Variants in DIP2A observed in about 807,000 individuals in gnomAD.
DIP2A encodes the protein disco-interacting protein 2 homolog A.
DIP2A carries 85 observed loss-of-function variants against 177.4 expected under a neutral mutation model. The ratio of observed to expected loss-of-function variants is 0.48; its 90% CI spans 0.40 to 0.57. The LOEUF is 0.57. DIP2A is among the 20% of genes least tolerant of loss of function. The probability of loss-of-function intolerance (pLI) is 0.00; values close to 1 mark genes in which losing one functional copy is unlikely to be tolerated. For missense variants in DIP2A, 1,791 were observed against 2,100.2 expected (o/e 0.85, Z 2.88); for synonymous variants, 886 against 881.8 (o/e 1.00, Z -0.08).
intron 18 of DIP2A, among the ~76,000 whole-genome samples, chr21:46,542,794 C>T (rs114047891): frequency 5.3e-5 from 8 of 152,258 alleles, no homozygotes; most frequent in East Asian, 1.9e-4. Flanking sequence ...CAGTCTCCCC[C>T]CTTCCAATGC....
At chr21:46,579,377 T>C in the DIP2A span, among the ~76,000 whole-genome samples, 2 of 152,264 alleles carry the variant, frequency 1.3e-5, no homozygotes, top group Admixed American at 1.3e-4. Flanking sequence ...TCTATCTATT[T>C]TATTAATTTT....
chr21:46,484,713 G>A, intron 1 of DIP2A, 44 bp from the exon 2 acceptor site: 1 of 1,497,038 alleles, frequency 6.7e-7, no homozygotes, highest in Non-Finnish European at 9.0e-7. Flanking sequence ...TAAAATTTTG[G>A]AATTGTAGAA....
Position 46,498,612 on chromosome 21 carries a change from C to T in DIP2A, c.434C>T (p.Ser145Phe), listed in dbSNP as rs377394571. Residue 145 changes from serine (S) to phenylalanine (F), a missense_variant, in exon 5 of 38, where the codon TCT becomes TTT. Transcript: ENST00000417564. The surrounding 1 kb of genome is among the most constrained non-coding windows in gnomAD (Gnocchi z 4.3). ...DTSSASEDEG[S>F]LRRPGRLTST... ...TCGTCTGCCTCAGAAGATGAGGGCT[C>T]TTTACGGCGACCCGGGCGACTCACC... is the stretch of plus-strand genomic sequence containing the variant. The T allele has an allele frequency of 1.5e-5, 24 of 1,612,330 alleles. No homozygotes were observed. Among genetic ancestry groups the T allele is most frequent in the Non-Finnish European group, 2.0e-5 (24 of 1,179,202 alleles).
chr21:46,556,201 A>G lies in DIP2A; in HGVS notation c.3498+110A>G. The G allele has an allele frequency of 1.4e-6, 2 of 1,405,638 alleles. No homozygotes were observed. The highest frequency in any genetic ancestry group is 2.0e-6 in the Non-Finnish European group (2 of 1,001,628). 87.1% of individuals were successfully genotyped at this position (1,405,638 alleles called of 1,614,324 possible). Reference sequence around the variant, plus strand: ...GACAGGTCCTTCTTATGCAAAGCACAAAGCAACAATTTTGCTTCTTAAGAT... The same window carrying G: ...GACAGGTCCTTCTTATGCAAAGCACGAAGCAACAATTTTGCTTCTTAAGAT... On this transcript the variant is annotated intron_variant, in intron 29 of 37. Transcript: ENST00000417564. The surrounding 1 kb of genome is among the most constrained non-coding windows in gnomAD (Gnocchi z 4.5).
intron 36 of DIP2A, among the ~76,000 whole-genome samples, chr21:46,566,249 C>T (rs966875730): frequency 6.6e-6 from 1 of 152,188 alleles, no homozygotes; most frequent in Non-Finnish European, 1.5e-5. Context: ...TGTGCAGCCA[C>T]CACAAGCTGG....
intron 2 of DIP2A, among the ~76,000 whole-genome samples, chr21:46,489,080 CAG>C (rs1462810647): frequency 1.8e-5 from 2 of 110,956 alleles, no homozygotes; most frequent in African/African-American, 3.4e-5. Context: ...TATACACACA[CAG>C]ACACACACAA....
intron 1 of DIP2A, among the ~76,000 whole-genome samples, chr21:46,481,914 G>C (rs535573828): frequency 6.6e-6 from 1 of 152,258 alleles, no homozygotes; most frequent in Admixed American, 6.5e-5. Flanking sequence ...AGCCAGGCGT[G>C]GTGGCGCATG....
chr21:46,576,005 C>T, the DIP2A span, among the ~76,000 whole-genome samples: 31 of 152,222 alleles, frequency 2.0e-4, no homozygotes, highest in Admixed American at 8.5e-4. Context: ...AGGTATACAC[C>T]TTTGAAAAAT....
intron 17 of DIP2A, among the ~76,000 whole-genome samples, chr21:46,540,199 G>A (rs55812662): frequency 6.6e-6 from 1 of 152,162 alleles, no homozygotes; most frequent in African/African-American, 2.4e-5. Context: ...GATTCTTGCA[G>A]AATGCCGGCT....
At chr21:46,480,777 G>A (rs919220725) in intron 1 of DIP2A, among the ~76,000 whole-genome samples, 1 of 152,196 alleles carries the variant, frequency 6.6e-6, no homozygotes, top group Admixed American at 6.5e-5. Flanking sequence ...CCTTGGAGGC[G>A]GTAAAAGTGA....
At chr21:46,491,921 C>T (rs766186610) in intron 3 of DIP2A, among the ~76,000 whole-genome samples, 5 of 152,278 alleles carry the variant, frequency 3.3e-5, no homozygotes, top group South Asian at 2.1e-4. Flanking sequence ...TTCTCTCAGG[C>T]TGTGATTTGT....
chr21:46,520,978 A>G (rs2058798133), intron 8 of DIP2A, among the ~76,000 whole-genome samples: 1 of 152,224 alleles, frequency 6.6e-6, no homozygotes, highest in South Asian at 2.1e-4. Flanking sequence ...TTTGTCAAAT[A>G]TTAAAGGTTT....
intron 28 of DIP2A, 149 bp from the exon 29 acceptor site, chr21:46,555,833 C>A: frequency 1.4e-6 from 1 of 695,984 alleles, no homozygotes; most frequent in South Asian, 1.6e-5. Flanking sequence ...GCACGCACAG[C>A]CTGCATCGTC....
rs1224854923 is a variant in DIP2A at position 46,459,096 on chromosome 21, G to C, written c.-36G>C. ...CGCTGCCGCCGCCAGGCCCGGTCCG[G>C]TTCCAGCCTCTGCCCGGACGCTAGC... On this transcript the variant is annotated 5_prime_UTR_variant, in exon 1 of 38. Coordinates refer to ENST00000417564, the MANE Select transcript of DIP2A (RefSeq NM_015151.4). 2 of 1,447,748 alleles carry C rather than the reference G, an allele frequency of 1.4e-6. No homozygotes were observed. The highest frequency in any genetic ancestry group is 2.7e-5 in the Admixed American group (1 of 37,590). The allele number at this position is 1,447,748 out of a possible 1,614,324, so 89.7% of individuals were successfully genotyped here.
At chr21:46,496,935 A>G (rs1027320281) in intron 3 of DIP2A, 53 bp from the exon 4 acceptor site, 10 of 1,503,334 alleles carry the variant, frequency 6.7e-6, no homozygotes, top group Non-Finnish European at 8.9e-6. Context: ...TTAATTTGTT[A>G]CTTTATAAAC....
chr21:46,506,068 C>A (rs1263812096), intron 6 of DIP2A, among the ~76,000 whole-genome samples: 1 of 151,774 alleles, frequency 6.6e-6, no homozygotes, highest in Non-Finnish European at 1.5e-5. Flanking sequence ...ACTTTCATTT[C>A]TTTTGGGTCA....
At chr21:46,477,874 C>T (rs573840089) in intron 1 of DIP2A, among the ~76,000 whole-genome samples, 4 of 152,104 alleles carry the variant, frequency 2.6e-5, no homozygotes, top group East Asian at 3.9e-4. Flanking sequence ...TGAGCCACCA[C>T]GCCCGGCCAT....
the DIP2A span, among the ~76,000 whole-genome samples, chr21:46,581,739 T>A: frequency 1.3e-5 from 2 of 152,156 alleles, no homozygotes; most frequent in Non-Finnish European, 2.9e-5. Context: ...CAGACCCTAT[T>A]CACCTGGATC....
In DIP2A at chr21:46,554,225, G is replaced by A; in HGVS notation, c.3087G>A (p.Val1029=). 1 of 1,613,930 alleles carries A rather than the reference G, an allele frequency of 6.2e-7. No homozygotes were observed. Among genetic ancestry groups the A allele is most frequent in the Non-Finnish European group, 8.5e-7 (1 of 1,179,866 alleles). ...AGCTGCACAAAAGGGCTGAGAGAGT[G>A]GCCGCGGCTCTGATGGAGAAGGGAA... The part of the protein sequence containing the change: ...CVQLHKRAER[V]AAALMEKGRL... The change falls in exon 26 of 38, where the codon GTG becomes GTA. Residue 1029 remains valine, a synonymous_variant. Coordinates refer to ENST00000417564, the MANE Select transcript of DIP2A (RefSeq NM_015151.4).
Sources: allele counts gnomAD v4.1 joint callset (sites outside exome capture counted in the v4.1 genomes callset), GRCh38; gene constraint gnomAD v4.1.1; non-coding constraint Gnocchi (gnomAD v3.1); transcripts MANE v1.5; gene names NCBI Gene and HGNC (gene_info 2026-07-23, HGNC 2026-07-21).